CASC3: variants seen among roughly 807,000 people sequenced by gnomAD.
The protein encoded by CASC3 is protein CASC3.
A neutral mutation model predicts 80.5 loss-of-function variants in CASC3; 30 were observed. That is an observed-to-expected ratio of 0.37 (90% CI 0.28 to 0.51). The LOEUF (loss-of-function observed/expected upper bound fraction) is 0.51. Ranked by LOEUF, CASC3 falls within the 20% of genes least tolerant of loss-of-function variation. CASC3 has a pLI of 0.94. For synonymous variants in CASC3, 312 were observed against 333.6 expected (o/e 0.94, Z 0.70); for missense variants, 824 against 922.2 (o/e 0.89, Z 1.38).
intron 7 of CASC3, among the ~76,000 whole-genome samples, chr17:40,164,723 G>A (rs1463111312): frequency 6.8e-6 from 1 of 147,512 alleles, no homozygotes; most frequent in East Asian, 2.0e-4. Flanking sequence ...GGGATTACAG[G>A]TGTGAGCCAC....
Position 40,171,048 on chromosome 17 carries a change from T to C in CASC3, c.*643T>C. ...CATTTGTTATCCTCTTGTATACTTGTATTCCCTTAACTCTAACCCTGTGGA... is the reference window on the plus strand; with the variant it reads ...CATTTGTTATCCTCTTGTATACTTGCATTCCCTTAACTCTAACCCTGTGGA... On this transcript the variant is annotated 3_prime_UTR_variant, in exon 14 of 14. Coordinates refer to ENST00000264645, the MANE Select transcript of CASC3 (RefSeq NM_007359.5). The C allele has an allele frequency of 2.0e-6, 2 of 985,594 alleles. No individual in the cohort carries two copies. The highest frequency in any genetic ancestry group is 2.4e-6 in the Non-Finnish European group (2 of 829,930). The allele number at this position is 985,594 out of a possible 1,614,324, so 61.1% of individuals were successfully genotyped here.
intron 3 of CASC3, among the ~76,000 whole-genome samples, chr17:40,152,115 A>G (rs1360580514): frequency 6.6e-6 from 1 of 152,138 alleles, no homozygotes; most frequent in Non-Finnish European, 1.5e-5. Context: ...AGCACATTTC[A>G]AGTTTACAAT....
At chr17:40,164,862 TCTC>T (rs1346690652) in intron 7 of CASC3, among the ~76,000 whole-genome samples, 1 of 146,256 alleles carries the variant, frequency 6.8e-6, no homozygotes, top group Admixed American at 6.9e-5. Context: ...CTCAAACAAT[TCTC>T]CTGCCTCAGC....
chr17:40,155,222 C>A (rs1989116500), intron 3 of CASC3, among the ~76,000 whole-genome samples: 2 of 151,096 alleles, frequency 1.3e-5, no homozygotes, highest in Admixed American at 6.6e-5. Flanking sequence ...GATTTTGGTC[C>A]ATGACTCGGG....
At chr17:40,152,571 C>G (rs1403522025) in intron 3 of CASC3, among the ~76,000 whole-genome samples, 4 of 152,064 alleles carry the variant, frequency 2.6e-5, no homozygotes, top group African/African-American at 9.7e-5. Flanking sequence ...TCCACCCACT[C>G]AGCCTCTCAA....
In CASC3 at chr17:40,140,803, G is replaced by A; in HGVS notation, c.231+24G>A. ...GTGTGAGTGCGCGCAGGCGGGGCGG[G>A]GTGGGGACCGGGCGGCGAGCCGGCC... On this transcript the variant is annotated intron_variant, in intron 1 of 13. Coordinates refer to ENST00000264645, the MANE Select transcript of CASC3 (RefSeq NM_007359.5). 4 of 1,407,534 alleles carry A rather than the reference G, an allele frequency of 2.8e-6. No homozygotes were observed. In the South Asian group the frequency reaches 4.5e-5, roughly 16 times the overall value. The allele number at this position is 1,407,534 out of a possible 1,614,324, so 87.2% of individuals were successfully genotyped here.
intron 6 of CASC3, 142 bp from the exon 7 acceptor site, chr17:40,163,335 ATGTT>A (rs1989354854): frequency 4.6e-6 from 3 of 650,660 alleles, no homozygotes; most frequent in South Asian, 2.0e-5. Flanking sequence ...AGGTTTCGCT[ATGTT>A]GGCCAGGCTG....
At chr17:40,167,647 G>A (rs753535583) in intron 9 of CASC3, 35 bp downstream of exon 9, 3 of 1,539,892 alleles carry the variant, frequency 1.9e-6, no homozygotes, top group Non-Finnish European at 2.7e-6. Context: ...TACTTTTCTT[G>A]GCAGGGTGAA....
intron 7 of CASC3, among the ~76,000 whole-genome samples, chr17:40,165,847 C>T (rs1042657477): frequency 4.6e-5 from 7 of 150,814 alleles, no homozygotes; most frequent in Non-Finnish European, 1.0e-4. Context: ...CTCACTGCAA[C>T]CTCCGCCTCC....
intron 1 of CASC3, 109 bp downstream of exon 1, chr17:40,140,888 T>C: frequency 1.1e-6 from 1 of 899,238 alleles, no homozygotes; most frequent in Non-Finnish European, 1.6e-6. Context: ...ACTGGGACTT[T>C]TTTTTGTTTT....
At chr17:40,146,904 T>A (rs987173437) in intron 3 of CASC3, among the ~76,000 whole-genome samples, 2 of 152,204 alleles carry the variant, frequency 1.3e-5, no homozygotes, top group African/African-American at 4.8e-5. Context: ...CAGTTTCTAC[T>A]GAATGTTTAT....
At chr17:40,141,160 A>G in intron 1 of CASC3, 47 bp from the exon 2 acceptor site, 1 of 1,582,882 alleles carries the variant, frequency 6.3e-7, no homozygotes. Flanking sequence ...TGGGCTCCCC[A>G]CCTCTGGAAA....
rs781356070 is a variant in CASC3 at position 40,164,044 on chromosome 17, C to A, written c.1349C>A (p.Thr450Asn). Residue 450 changes from threonine to asparagine, a missense_variant, in exon 7 of 14, where the codon ACC becomes AAC. By Grantham distance (65) the Thr-to-Asn change is moderately conservative (BLOSUM62 0). Coordinates refer to ENST00000264645, the MANE Select transcript of CASC3 (RefSeq NM_007359.5). ...CCAACTCCACCTACTAAGACTGGGA[C>A]CTGGGAAGCTCCGGTGGATTCTAGT... ...TTPTPPTKTGTWEAPVDSSTS... is the reference protein window; with the variant it reads ...TTPTPPTKTGNWEAPVDSSTS... The A allele has an allele frequency of 6.2e-7, 1 of 1,613,964 alleles. No homozygotes were observed. The highest frequency in any genetic ancestry group is 1.1e-5 in the South Asian group (1 of 91,072).
intron 6 of CASC3, among the ~76,000 whole-genome samples, 166 bp from the exon 7 acceptor site, chr17:40,163,314 TA>T (rs1420931502): frequency 3.9e-5 from 6 of 152,190 alleles, no homozygotes; most frequent in African/African-American, 1.4e-4. Flanking sequence ...TTTGTATTTT[TA>T]GTAGAAATGA....
intron 3 of CASC3, among the ~76,000 whole-genome samples, chr17:40,158,457 C>T (rs1989206693): frequency 6.6e-6 from 1 of 152,138 alleles, no homozygotes; most frequent in South Asian, 2.1e-4. Context: ...TCTCGTAGGC[C>T]TCCCTAGCCA....
intron 13 of CASC3, 117 bp downstream of exon 13, chr17:40,169,779 G>A (rs775171111): frequency 7.9e-6 from 4 of 507,444 alleles, no homozygotes; most frequent in Non-Finnish European, 1.2e-5. Flanking sequence ...TTTTTGAGAC[G>A]GCGTCTCAGT....
rs762268612 is a variant in CASC3, at chr17:40,140,689, T to C, written c.141T>C (p.Ser47=). The C allele has an allele frequency of 1.9e-6, 3 of 1,594,640 alleles. No individual in the cohort carries two copies. In the South Asian group the frequency reaches 3.4e-5, roughly 18 times the overall value. ...SGSAGGGGSG[S]LPSQRGGRTG... ...GCGCCGGAGGCGGCGGCAGCGGCTCTCTGCCTTCACAGCGCGGAGGCCGAA... is the reference window on the plus strand; with the variant it reads ...GCGCCGGAGGCGGCGGCAGCGGCTCCCTGCCTTCACAGCGCGGAGGCCGAA... Residue 47 remains serine (S), a synonymous_variant, in exon 1 of 14, where the codon TCT becomes TCC. Coordinates refer to ENST00000264645, the MANE Select transcript of CASC3 (RefSeq NM_007359.5).
intron 3 of CASC3, among the ~76,000 whole-genome samples, chr17:40,158,296 C>T (rs1455495797): frequency 6.6e-6 from 1 of 152,170 alleles, no homozygotes; most frequent in Non-Finnish European, 1.5e-5. Context: ...TTGGGGCCAG[C>T]CTGGGTCTTG....
rs750195404 is a variant in CASC3, at chr17:40,161,783, A to G, written c.328A>G (p.Asn110Asp). The change falls in exon 4 of 14, where the codon AAC (asparagine) becomes GAC (aspartate). Residue 110 changes from asparagine (N) to aspartate (D), a missense_variant. Asn to Asp is a conservative substitution (Grantham distance 23). Around this residue, in one of 3 missense-constraint regions of CASC3, gnomAD observed 201 missense variants for 294.1 expected, o/e 0.68. Coordinates refer to ENST00000264645, the MANE Select transcript of CASC3 (RefSeq NM_007359.5). ...GEEGEYSEEE[N>D]SKVELKSEAN... ...AGAAGGTGAATACAGTGAAGAGGAA[A>G]ACTCCAAAGTGGAGCTGAAATCAGA... is the stretch of plus-strand genomic sequence containing the variant. 1 of 1,614,172 alleles carries G rather than the reference A, an allele frequency of 6.2e-7. No individual in the cohort carries two copies. The highest frequency in any genetic ancestry group is 8.5e-7 in the Non-Finnish European group (1 of 1,180,036).
Sources: allele counts gnomAD v4.1 joint callset (sites outside exome capture counted in the v4.1 genomes callset), GRCh38; gene constraint gnomAD v4.1.1; regional missense constraint gnomAD v4.1.1; transcripts MANE v1.5; gene names NCBI Gene and HGNC (gene_info 2026-07-23, HGNC 2026-07-21).